PPARD: variants seen among roughly 807,000 people sequenced by gnomAD.
PPARD encodes the protein peroxisome proliferator activated receptor delta, also known as peroxisome proliferator-activated receptor delta.
In PPARD, 6 loss-of-function variants were observed where a neutral mutation model predicts 39.5. The ratio of observed to expected loss-of-function variants is 0.15; its 90% confidence interval spans 0.08 to 0.30. The LOEUF (loss-of-function observed/expected upper bound fraction) is 0.30. PPARD is among the 10% of genes least tolerant of loss of function. The pLI is 1.00. For synonymous variants in PPARD, 210 were observed against 231.3 expected (o/e 0.91, Z 0.83); for missense variants, 397 against 596.8 (o/e 0.67, Z 3.49).
intron 2 of PPARD, among the ~76,000 whole-genome samples, chr6:35,358,570 A>G (rs990398002): frequency 6.6e-6 from 1 of 152,198 alleles, no homozygotes; most frequent in East Asian, 1.9e-4. Context: ...CAAGGAGAGC[A>G]TAGGCCCAGC....
In PPARD at chr6:35,401,679, G is replaced by A. The variant is rs1475849872; in HGVS notation, c.-101-9308G>A. Among the ~76,000 whole-genome samples, 1 of 152,162 alleles carries A rather than the reference G, an allele frequency of 6.6e-6. No homozygotes were observed. Among genetic ancestry groups the A allele is most frequent in the African/African-American group, 2.4e-5 (1 of 41,430 alleles). ...TAAGGTCCTCAGGAAAGCGTCTCCT[G>A]GCCACTCGCACCTGACTCATGTGCT... is the stretch of plus-strand genomic sequence containing the variant. On this transcript the variant is annotated intron_variant, in intron 2 of 7. Coordinates refer to ENST00000360694, the MANE Select transcript of PPARD (RefSeq NM_006238.5). This position sits in a 1 kb window ranked among gnomAD's most constrained non-coding sequence, Gnocchi z 4.1.
At position 35,363,896 on chromosome 6, in the gene PPARD, G is replaced by A. The variant is rs965680426; in HGVS notation, c.-102+16746G>A. On this transcript the variant is annotated intron_variant, in intron 2 of 7. Transcript: ENST00000360694. This position sits in a 1 kb window ranked among gnomAD's most constrained non-coding sequence, Gnocchi z 4.5. ...TAAAGTGTGTACTTTGATGGTTTTT[G>A]TATATTAACTGTGTTTTATATATTA... 1.3e-5 allele frequency among the ~76,000 whole-genome samples: 2 copies of A among 150,642 alleles called. No homozygotes were observed. Among genetic ancestry groups the A allele is most frequent in the African/African-American group, 4.9e-5 (2 of 40,990 alleles).
intron 1 of PPARD, among the ~76,000 whole-genome samples, chr6:35,344,814 A>G (rs1645467743): frequency 1.3e-5 from 2 of 152,208 alleles, no homozygotes. Context: ...CTGTGAAAGC[A>G]ATAGGATTGT....
At chr6:35,380,957 C>T (rs1276971896) in intron 2 of PPARD, among the ~76,000 whole-genome samples, 1 of 152,182 alleles carries the variant, frequency 6.6e-6, no homozygotes, top group African/African-American at 2.4e-5. Context: ...TCTTTCTCCT[C>T]TCTCCACCGC....
At chr6:35,360,643 CT>C (rs1562174782) in intron 2 of PPARD, among the ~76,000 whole-genome samples, 1 of 152,258 alleles carries the variant, frequency 6.6e-6, no homozygotes, top group Non-Finnish European at 1.5e-5. Flanking sequence ...CATCCACAGG[CT>C]TGTGAGCAGA....
chr6:35,411,430 C>A (rs554127294), intron 3 of PPARD, among the ~76,000 whole-genome samples: 1 of 152,352 alleles, frequency 6.6e-6, no homozygotes, highest in South Asian at 2.1e-4. Context: ...CCACTTCCTT[C>A]TGTAAAACAG....
At chr6:35,379,746 G>A (rs1763034780) in intron 2 of PPARD, among the ~76,000 whole-genome samples, 1 of 152,370 alleles carries the variant, frequency 6.6e-6, no homozygotes, top group Non-Finnish European at 1.5e-5. Context: ...TTTTTTCTCA[G>A]ATGACTTGCT....
Position 35,421,829 on chromosome 6 carries a change from C to A in PPARD, c.295C>A (p.Arg99Ser), listed in dbSNP as rs1013372900. Residue 99 changes from arginine (R) to serine (S), a missense_variant, in exon 5 of 8, where the codon CGT becomes AGT. Physicochemically the swap from Arg to Ser is moderately radical, Grantham distance 110. Coordinates refer to ENST00000360694, the MANE Select transcript of PPARD (RefSeq NM_006238.5). ...HACEGCKGFF[R>S]RTIRMKLEYE... ...GTTCTTGGTGCTTCAGGGCTTCTTC[C>A]GTCGTACGATCCGCATGAAGCTGGA... 2 of 1,611,244 alleles carry A rather than the reference C, an allele frequency of 1.2e-6. No individual in the cohort carries two copies. Among genetic ancestry groups the A allele is most frequent in the Non-Finnish European group, 1.7e-6 (2 of 1,178,514 alleles).
At chr6:35,414,564 A>C (rs557742902) in intron 3 of PPARD, among the ~76,000 whole-genome samples, 2 of 152,206 alleles carry the variant, frequency 1.3e-5, no homozygotes, top group Admixed American at 1.3e-4. Context: ...CAGGTCTGTC[A>C]CTGTGAGCTG....
chr6:35,356,046 C>T (rs1005930997), intron 2 of PPARD, among the ~76,000 whole-genome samples: 18 of 152,004 alleles, frequency 1.2e-4, no homozygotes, highest in South Asian at 4.1e-4. Context: ...CTCCTGAGAC[C>T]GTTACTAAGT....
At position 35,425,736 on chromosome 6, in the gene PPARD, GGCCT is replaced by G; in HGVS notation, c.1079-92_1079-89del. 2 of 1,534,016 alleles carry G rather than the reference GGCCT, an allele frequency of 1.3e-6. No homozygotes were observed. The highest frequency in any genetic ancestry group is 1.8e-6 in the Non-Finnish European group (2 of 1,137,272). Reference sequence around the variant, plus strand: ...GGGCTTGGTCTGTCACGGCCAAGGAGGCCTGCCGTCCCCTGGGCCAAGTCACCTC... The same window carrying G: ...GGGCTTGGTCTGTCACGGCCAAGGAGGCCGTCCCCTGGGCCAAGTCACCTC... On this transcript the variant is annotated intron_variant, in intron 7 of 7. Coordinates refer to ENST00000360694, the MANE Select transcript of PPARD (RefSeq NM_006238.5). This position sits in a 1 kb window ranked among gnomAD's most constrained non-coding sequence, Gnocchi z 4.5.
intron 2 of PPARD, among the ~76,000 whole-genome samples, chr6:35,374,657 C>CAAA (rs372824499): frequency 9.9e-5 from 8 of 80,554 alleles, no homozygotes; most frequent in African/African-American, 2.1e-4. Context: ...GACTCTGTCT[C>CAAA]AAAAAAAAAA....
At chr6:35,414,394 A>G (rs1765619949) in intron 3 of PPARD, among the ~76,000 whole-genome samples, 1 of 152,168 alleles carries the variant, frequency 6.6e-6, no homozygotes, top group Non-Finnish European at 1.5e-5. Context: ...AGTCTGCACT[A>G]CTTCCATAAT....
intron 4 of PPARD, among the ~76,000 whole-genome samples, chr6:35,421,183 G>C (rs1483480303): frequency 6.6e-6 from 1 of 151,298 alleles, no homozygotes; most frequent in Admixed American, 6.6e-5. Flanking sequence ...GGCTGGTCTT[G>C]AACTCCTGAC....
At chr6:35,375,752 C>G (rs1581572166) in intron 2 of PPARD, among the ~76,000 whole-genome samples, 1 of 152,088 alleles carries the variant, frequency 6.6e-6, no homozygotes, top group Non-Finnish European at 1.5e-5. Context: ...TGGGATGTTA[C>G]TGTGTTGCCC....
chr6:35,343,890 C>T (rs1792012931), intron 1 of PPARD, among the ~76,000 whole-genome samples: 1 of 152,242 alleles, frequency 6.6e-6, no homozygotes, highest in Admixed American at 6.5e-5. Context: ...CCACCCTGTG[C>T]TCCATCCGAA....
At position 35,342,734 on chromosome 6, in the gene PPARD, G is replaced by T. The variant is rs181894752; in HGVS notation, c.-186+53G>T. On this transcript the variant is annotated intron_variant, in intron 1 of 7. Coordinates refer to ENST00000360694, the MANE Select transcript of PPARD (RefSeq NM_006238.5). ...GGCAAGTGGCGGAGGGAAGCGCCGG[G>T]CCTGGGCCGAGGCGGCCAGCGGGAC... The T allele has an allele frequency of 6.6e-4, 100 of 152,562 alleles. No homozygotes were observed. The East Asian group carries it at 0.015, about 23-fold the overall frequency. The allele number at this position is 152,562 out of a possible 1,614,324, so 9.5% of individuals were successfully genotyped here.
At chr6:35,414,274 A>G (rs1765607827) in intron 3 of PPARD, among the ~76,000 whole-genome samples, 1 of 152,158 alleles carries the variant, frequency 6.6e-6, no homozygotes, top group African/African-American at 2.4e-5. Context: ...CATAGAAGGC[A>G]CCGGAAGAGT....
intron 2 of PPARD, among the ~76,000 whole-genome samples, chr6:35,392,525 T>A (rs1562201195): frequency 5.3e-5 from 8 of 151,954 alleles, no homozygotes; most frequent in Admixed American, 2.6e-4. Context: ...CCAAGGCCAG[T>A]CCAGATGGAT....
Sources: gnomAD v4.1 joint callset for allele counts (sites outside exome capture counted in the v4.1 genomes callset) on GRCh38, gnomAD v4.1.1 for gene constraint, Gnocchi (gnomAD v3.1) non-coding constraint, MANE v1.5 for transcripts, NCBI Gene and HGNC (gene_info 2026-07-23, HGNC 2026-07-21) for gene names.